The following KLF7 variants were observed in gnomAD, a reference collection of about 807,000 sequenced individuals.
KLF7 encodes KLF transcription factor 7.
A neutral mutation model predicts 27.3 loss-of-function variants in KLF7; 2 were observed. The observed-to-expected ratio is 0.07, with a 90% CI of 0.03 to 0.23. The LOEUF (loss-of-function observed/expected upper bound fraction) is 0.23, where lower values mean the gene tolerates loss of function less well. Among genes scored for constraint, KLF7 ranks in the 10% least tolerant of loss-of-function variants. KLF7 has a pLI of 1.00. For synonymous variants in KLF7, 165 were observed against 162.4 expected (o/e 1.02, Z -0.12); for missense variants, 221 against 394.1 (o/e 0.56, Z 3.72).
At position 207,123,967 on chromosome 2, in the gene KLF7, C is replaced by T; in HGVS notation, c.540G>A (p.Gly180=). 6.2e-7 allele frequency: 1 copy of T among 1,614,208 alleles called. No individual in the cohort carries two copies. The highest frequency in any genetic ancestry group is 1.1e-5 in the South Asian group (1 of 91,086). Residue 180 remains glycine, a synonymous_variant, in exon 2 of 4, where the codon GGG becomes GGA. Coordinates refer to ENST00000309446, the MANE Select transcript of KLF7 (RefSeq NM_003709.4). ...TCACGGCTGCTGCAGCTGTTGCGAC[C>T]CCTCCCACCTTTACGGAGCTGAGAG... ...KAALSSVKVG[G]VATAAAAVTA...
intron 1 of KLF7, among the ~76,000 whole-genome samples, chr2:207,151,723 TACACAC>T (rs72289250): frequency 0.12 from 17,307 of 149,894 alleles, 2,005 homozygotes; most frequent in African/African-American, 0.3. Flanking sequence ...TGAAAAATTT[TACACAC>T]ACACACACAC....
chr2:207,128,739 A>G (rs1466885226), intron 1 of KLF7, among the ~76,000 whole-genome samples: 1 of 152,210 alleles, frequency 6.6e-6, no homozygotes, highest in East Asian at 1.9e-4. Flanking sequence ...ACCTCAATCT[A>G]ATCATGAGAA....
At chr2:207,155,700 C>T (rs983270010) in intron 1 of KLF7, among the ~76,000 whole-genome samples, 1 of 152,130 alleles carries the variant, frequency 6.6e-6, no homozygotes, top group African/African-American at 2.4e-5. Context: ...TCAGGTCTGA[C>T]CTTAAGCAGC....
chr2:207,099,675 A>C (rs2076718579), intron 2 of KLF7, among the ~76,000 whole-genome samples: 1 of 150,214 alleles, frequency 6.7e-6, no homozygotes, highest in African/African-American at 2.4e-5. Context: ...AAGTGGCTTC[A>C]GCATCCTAAA....
Position 207,078,991 on chromosome 2 carries a change from GGACA to G in KLF7, c.*2218_*2221del, listed in dbSNP as rs1187350579. 2.6e-5 allele frequency: 4 copies of G among 151,896 alleles called. No individual in the cohort carries two copies. The highest frequency in any genetic ancestry group is 9.7e-5 in the African/African-American group (4 of 41,366). The allele number at this position is 151,896 out of a possible 1,614,324, so 9.4% of individuals were successfully genotyped here. On this transcript the variant is annotated 3_prime_UTR_variant, in exon 4 of 4. Transcript: ENST00000309446. Reference sequence around the variant, plus strand: ...ATACATACAATTGCCTCCGGCAAATGGACAGATTTTGTGTGTGTGTGCGCGTGTG... The same window carrying G: ...ATACATACAATTGCCTCCGGCAAATGGATTTTGTGTGTGTGTGCGCGTGTG...
upstream of KLF7, among the ~76,000 whole-genome samples, chr2:207,169,415 T>C (rs2078770978): frequency 6.6e-6 from 1 of 152,224 alleles, no homozygotes; most frequent in African/African-American, 2.4e-5. Context: ...TATCCCAGTG[T>C]GATTAGTACT....
At chr2:207,167,233 G>C (rs563225338), upstream of KLF7, 308 of 1,126,382 alleles carry the variant, frequency 2.7e-4, 1 homozygote, top group South Asian at 2.5e-3. Flanking sequence ...GACATAGAGA[G>C]ATCTGTTACA....
chr2:207,086,155 G>A (rs1280852799), intron 3 of KLF7, among the ~76,000 whole-genome samples: 1 of 152,182 alleles, frequency 6.6e-6, no homozygotes, highest in Non-Finnish European at 1.5e-5. Flanking sequence ...AGAGACAAGA[G>A]GTGGTGCACT....
chr2:207,085,513 G>A (rs533356636), intron 3 of KLF7, among the ~76,000 whole-genome samples: 89 of 152,206 alleles, frequency 5.8e-4, no homozygotes, highest in Admixed American at 1.0e-3. Context: ...CACTCAGGGG[G>A]GCTGCACTGT....
intron 1 of KLF7, among the ~76,000 whole-genome samples, chr2:207,163,903 A>T (rs947463016): frequency 2.0e-5 from 3 of 152,252 alleles, no homozygotes; most frequent in African/African-American, 4.8e-5. Context: ...CATGAGACAC[A>T]CTCTCGTTAA....
At chr2:207,152,559 G>C (rs1235206650) in intron 1 of KLF7, among the ~76,000 whole-genome samples, 4 of 152,184 alleles carry the variant, frequency 2.6e-5, no homozygotes, top group Admixed American at 6.5e-5. Context: ...GCCCAGGCAG[G>C]GGGAGGGGTG....
chr2:207,093,386 C>T (rs916456041), intron 2 of KLF7, among the ~76,000 whole-genome samples: 1 of 152,190 alleles, frequency 6.6e-6, no homozygotes, highest in Non-Finnish European at 1.5e-5. Flanking sequence ...CTCCCCGATT[C>T]ACCACATTGC....
intron 1 of KLF7, among the ~76,000 whole-genome samples, chr2:207,134,496 C>G (rs1051832811): frequency 6.6e-6 from 1 of 152,014 alleles, no homozygotes; most frequent in Non-Finnish European, 1.5e-5. Context: ...AAGGTGGGGG[C>G]GCTAGGAGGA....
chr2:207,109,597 A>C (rs2076973758), intron 2 of KLF7, among the ~76,000 whole-genome samples: 1 of 152,342 alleles, frequency 6.6e-6, no homozygotes, highest in South Asian at 2.1e-4. Context: ...AAAGATCAAT[A>C]CAAGTGATAT....
intron 2 of KLF7, among the ~76,000 whole-genome samples, chr2:207,118,334 G>A (rs1291825783): frequency 6.6e-6 from 1 of 152,078 alleles, no homozygotes; most frequent in Non-Finnish European, 1.5e-5. Flanking sequence ...AATAGGCCTG[G>A]AAATGGAAGA....
At position 207,165,689 on chromosome 2, in the gene KLF7, T is replaced by C; in HGVS notation, c.-121A>G. On this transcript the variant is annotated 5_prime_UTR_variant, in exon 1 of 4. Transcript: ENST00000309446. ...GCAGACATCCAGTGGCCCTTTTGTTTTGTTTTGTTTCAGTCAACTAAAAAG... is the reference window on the plus strand; with the variant it reads ...GCAGACATCCAGTGGCCCTTTTGTTCTGTTTTGTTTCAGTCAACTAAAAAG... The C allele has an allele frequency of 6.6e-7, 1 of 1,519,904 alleles. No individual in the cohort carries two copies. Among genetic ancestry groups the C allele is most frequent in the Non-Finnish European group, 8.8e-7 (1 of 1,137,450 alleles). The allele number at this position is 1,519,904 out of a possible 1,614,324, so 94.2% of individuals were successfully genotyped here.
chr2:207,162,057 A>C (rs1182588246), intron 1 of KLF7, among the ~76,000 whole-genome samples: 2 of 152,222 alleles, frequency 1.3e-5, no homozygotes, highest in Non-Finnish European at 2.9e-5. Flanking sequence ...TGCACTCATG[A>C]AATAGCAGAC....
Position 207,074,540 on chromosome 2 carries a change from C to T in KLF7, c.*6673G>A, listed in dbSNP as rs1344322073. On this transcript the variant is annotated 3_prime_UTR_variant, in exon 4 of 4. Coordinates refer to ENST00000309446, the MANE Select transcript of KLF7 (RefSeq NM_003709.4). ...AGTTTTTTGTACTCTCCACAGCCAGCTGGATTTCCTGGCTTCCGGTTACCC... is the reference window on the plus strand; with the variant it reads ...AGTTTTTTGTACTCTCCACAGCCAGTTGGATTTCCTGGCTTCCGGTTACCC... 1 of 152,364 alleles carries T rather than the reference C, an allele frequency of 6.6e-6. No homozygotes were observed. Among genetic ancestry groups the T allele is most frequent in the Non-Finnish European group, 1.5e-5 (1 of 68,094 alleles). 9.4% of individuals were successfully genotyped at this position (152,364 alleles called of 1,614,324 possible). A position where few individuals can be genotyped will look rare whatever the true frequency, so the allele number is the denominator to read the frequency against.
upstream of KLF7, chr2:207,166,839 G>A (rs1432755438): frequency 3.9e-6 from 4 of 1,035,164 alleles, no homozygotes; most frequent in East Asian, 1.5e-4. Context: ...AGCGCCTGAG[G>A]AGGAAGTGCC....
Sources: allele counts gnomAD v4.1 joint callset (sites outside exome capture counted in the v4.1 genomes callset), GRCh38; gene constraint gnomAD v4.1.1; transcripts MANE v1.5; gene names NCBI Gene and HGNC (gene_info 2026-07-23, HGNC 2026-07-21).